SPATA17: variants seen among roughly 807,000 people sequenced by gnomAD.
The protein encoded by SPATA17 is spermatogenesis associated 17.
In SPATA17, 53 loss-of-function variants were observed where a neutral mutation model predicts 62.2. The ratio of observed to expected loss-of-function variants is 0.85; its 90% CI spans 0.68 to 1.07. SPATA17 has a LOEUF of 1.07. Among genes scored for constraint, SPATA17 ranks in the 50% least tolerant of loss-of-function variants. The probability of loss-of-function intolerance (pLI) is 0.00; values close to 1 mark genes in which losing one functional copy is unlikely to be tolerated. For missense variants in SPATA17, 466 were observed against 425.5 expected, an observed-to-expected ratio of 1.10 and a Z score of -0.84; for synonymous variants, 146 against 146.8, an observed-to-expected ratio of 0.99 and a Z score of 0.04.
At chr1:217,809,431 GT>G (rs2102991302) in intron 9 of SPATA17, among the ~76,000 whole-genome samples, 1 of 152,290 alleles carries the variant, frequency 6.6e-6, no homozygotes, top group African/African-American at 2.4e-5. Flanking sequence ...TTAGCTCACG[GT>G]TATGGAGTCT....
At chr1:217,840,579 G>A (rs2202964) in intron 9 of SPATA17, among the ~76,000 whole-genome samples, 9,693 of 151,868 alleles carry the variant, frequency 0.064, 405 homozygotes, top group East Asian at 0.14. Flanking sequence ...TAGATACTTG[G>A]AAGACGCCTG....
intron 9 of SPATA17, among the ~76,000 whole-genome samples, chr1:217,808,036 C>T (rs796809011): frequency 6.6e-6 from 1 of 152,102 alleles, no homozygotes; most frequent in African/African-American, 2.4e-5. Context: ...GGCACAGGAG[C>T]CTTGCATAAA....
chr1:217,660,077 C>T lies in SPATA17; in HGVS notation c.240+8899C>T, dbSNP rs540636035. Among the ~76,000 whole-genome samples, 11 of 152,328 alleles carry T rather than the reference C, an allele frequency of 7.2e-5. No individual in the cohort carries two copies. The South Asian group carries it at 1.7e-3, about 23-fold the overall frequency. On this transcript the variant is annotated intron_variant, in intron 3 of 10. Transcript: ENST00000366933. Reference sequence around the variant, plus strand: ...TTGCCCAAATATGCAGTGTCCTTATCACCCAAAGATTTTTGGCAAATGCTG... The same window carrying T: ...TTGCCCAAATATGCAGTGTCCTTATTACCCAAAGATTTTTGGCAAATGCTG...
chr1:217,636,300 C>G (rs1437141501), intron 1 of SPATA17, among the ~76,000 whole-genome samples: 1 of 152,130 alleles, frequency 6.6e-6, no homozygotes, highest in Non-Finnish European at 1.5e-5. Flanking sequence ...CAGAATAATG[C>G]TGAAGTTGAA....
At chr1:217,639,859 A>G (rs757913408) in intron 1 of SPATA17, among the ~76,000 whole-genome samples, 1 of 152,028 alleles carries the variant, frequency 6.6e-6, no homozygotes, top group East Asian at 1.9e-4. Flanking sequence ...TGACATGTGC[A>G]TCTTCCTCAC....
At position 217,713,985 on chromosome 1, in the gene SPATA17, A is replaced by G. The variant is rs148397678; in HGVS notation, c.396-27990A>G. Reference sequence around the variant, plus strand: ...ATGAATATTGATGAAAAAAATTTGCATCCAGCAGAAAGCAACCAGGAATTT... The same window carrying G: ...ATGAATATTGATGAAAAAAATTTGCGTCCAGCAGAAAGCAACCAGGAATTT... On this transcript the variant is annotated intron_variant, in intron 5 of 10. Transcript: ENST00000366933. Among the ~76,000 whole-genome samples, 680 of 152,328 alleles carry G rather than the reference A, an allele frequency of 4.5e-3. 5 individuals are homozygous for G. Among genetic ancestry groups the G allele is most frequent in the African/African-American group, 0.016 (645 of 41,574 alleles).
chr1:217,666,633 C>T (rs1166452838), intron 3 of SPATA17, among the ~76,000 whole-genome samples: 1 of 151,966 alleles, frequency 6.6e-6, no homozygotes, highest in Admixed American at 6.6e-5. Context: ...AGTATATTCA[C>T]ATTGTTACAT....
At chr1:217,837,016 T>A (rs975901357) in intron 9 of SPATA17, among the ~76,000 whole-genome samples, 1 of 152,112 alleles carries the variant, frequency 6.6e-6, no homozygotes, top group Non-Finnish European at 1.5e-5. Flanking sequence ...GATGTAGAAT[T>A]GTGGGAGTAA....
At chr1:217,853,224 T>C (rs1675702902) in intron 9 of SPATA17, among the ~76,000 whole-genome samples, 1 of 152,166 alleles carries the variant, frequency 6.6e-6, no homozygotes, top group South Asian at 2.1e-4. Flanking sequence ...TAGTAGAGGA[T>C]CATGAGAGTA....
chr1:217,758,472 G>A (rs1673098187), intron 6 of SPATA17, among the ~76,000 whole-genome samples: 1 of 152,134 alleles, frequency 6.6e-6, no homozygotes. Flanking sequence ...CCATTACTAT[G>A]GAGGGGAAAA....
chr1:217,649,323 A>G (rs1368626964), intron 2 of SPATA17, among the ~76,000 whole-genome samples: 1 of 152,044 alleles, frequency 6.6e-6, no homozygotes, highest in African/African-American at 2.4e-5. Context: ...TACTAAAAAT[A>G]CAAAAATTAG....
At chr1:217,840,185 G>A (rs1471786341) in intron 9 of SPATA17, among the ~76,000 whole-genome samples, 1 of 152,102 alleles carries the variant, frequency 6.6e-6, no homozygotes, top group African/African-American at 2.4e-5. Context: ...CATTCGTACA[G>A]ATAATGTCCT....
intron 9 of SPATA17, among the ~76,000 whole-genome samples, chr1:217,827,748 T>C (rs1253980821): frequency 1.3e-5 from 2 of 152,114 alleles, no homozygotes; most frequent in Non-Finnish European, 2.9e-5. Context: ...TGGATGAAGC[T>C]GGAAGCCATT....
At chr1:217,656,596 C>T (rs1478902283) in intron 3 of SPATA17, among the ~76,000 whole-genome samples, 1 of 147,440 alleles carries the variant, frequency 6.8e-6, no homozygotes, top group East Asian at 1.9e-4. Context: ...TTATTTTTGC[C>T]ATTGTGTACA....
chr1:217,733,567 G>A (rs1672445259), intron 5 of SPATA17, among the ~76,000 whole-genome samples: 1 of 151,978 alleles, frequency 6.6e-6, no homozygotes, highest in Non-Finnish European at 1.5e-5. Context: ...CAGCTATTTT[G>A]TTTGTAACCT....
intron 9 of SPATA17, among the ~76,000 whole-genome samples, chr1:217,852,237 T>C (rs1675683209): frequency 6.6e-6 from 1 of 152,214 alleles, no homozygotes; most frequent in Admixed American, 6.5e-5. Flanking sequence ...AAGTGTTATT[T>C]CTATGTGAAT....
chr1:217,777,221 T>A (rs1193167378), intron 7 of SPATA17, among the ~76,000 whole-genome samples: 2 of 152,182 alleles, frequency 1.3e-5, no homozygotes, highest in African/African-American at 4.8e-5. Context: ...TTCCCATTAT[T>A]TGTATCTTTT....
At chr1:217,848,758 C>T (rs1675581633) in intron 9 of SPATA17, among the ~76,000 whole-genome samples, 1 of 151,954 alleles carries the variant, frequency 6.6e-6, no homozygotes, top group Non-Finnish European at 1.5e-5. Context: ...TGCATTATTC[C>T]TTTCCTAATT....
chr1:217,694,393 C>T lies in SPATA17; in HGVS notation c.395+11032C>T, dbSNP rs1358273356. ...TTTTGAGCCTATGTATGTCTCTTCA[C>T]GTGAGATGGGTTTCCTGAATACAGC... On this transcript the variant is annotated intron_variant, in intron 5 of 10. Transcript: ENST00000366933. Among the ~76,000 whole-genome samples, 1,258 of 147,236 alleles carry T rather than the reference C, an allele frequency of 8.5e-3. 16 individuals are homozygous for T. Among genetic ancestry groups the T allele is most frequent in the African/African-American group, 0.026 (1,006 of 38,816 alleles).
Sources: gnomAD v4.1 joint callset for allele counts (sites outside exome capture counted in the v4.1 genomes callset) on GRCh38, gnomAD v4.1.1 for gene constraint, MANE v1.5 for transcripts, NCBI Gene and HGNC (gene_info 2026-07-23, HGNC 2026-07-21) for gene names.